RANBP2: variants seen among roughly 807,000 people sequenced by gnomAD.
RANBP2 encodes RAN binding protein 2.
RANBP2 carries 57 observed loss-of-function variants against 303.6 expected under a neutral mutation model. The ratio of observed to expected loss-of-function variants is 0.19; its 90% CI spans 0.15 to 0.23. The LOEUF is 0.23. Among genes scored for constraint, RANBP2 ranks in the 10% least tolerant of loss-of-function variants. The pLI is 1.00. For synonymous variants in RANBP2, 1,167 were observed against 1,301.5 expected (o/e 0.90, Z 2.23); for missense variants, 3,138 against 3,780.8 (o/e 0.83, Z 4.46).
the RANBP2 span, chr2:109,544,693 C>T: frequency 4.6e-6 from 4 of 866,972 alleles, no homozygotes; most frequent in Non-Finnish European, 5.5e-6. Context: ...GCTTTAAAAT[C>T]CAAAGCATGT....
At chr2:108,794,662 C>T in the RANBP2 span, 369 of 1,614,088 alleles carry the variant, frequency 2.3e-4, no homozygotes, top group Non-Finnish European at 3.0e-4. Context: ...GCGGAGTTTA[C>T]TTCCACATCA....
the RANBP2 span, among the ~76,000 whole-genome samples, chr2:109,679,370 G>A: frequency 3.3e-5 from 5 of 152,192 alleles, no homozygotes; most frequent in Admixed American, 6.5e-5. Flanking sequence ...GCGTTTTAGA[G>A]AGTAGGTGAA....
At chr2:108,872,416 T>G in the RANBP2 span, among the ~76,000 whole-genome samples, 2 of 152,224 alleles carry the variant, frequency 1.3e-5, no homozygotes, top group Non-Finnish European at 2.9e-5. Flanking sequence ...AGTAATGAGT[T>G]TGGTTACCCT....
chr2:109,487,586 T>C, the RANBP2 span, among the ~76,000 whole-genome samples: 1 of 152,302 alleles, frequency 6.6e-6, no homozygotes, highest in South Asian at 2.1e-4. Flanking sequence ...TCCATCACAT[T>C]TACGCACCCC....
chr2:109,735,252 C>T, the RANBP2 span, among the ~76,000 whole-genome samples: 1 of 152,158 alleles, frequency 6.6e-6, no homozygotes, highest in African/African-American at 2.4e-5. Flanking sequence ...TAAGTGAGAA[C>T]ATGTGGTATT....
the RANBP2 span, among the ~76,000 whole-genome samples, chr2:109,586,745 T>A: frequency 0.012 from 1,884 of 152,284 alleles, 17 homozygotes; most frequent in Middle Eastern, 0.02. Flanking sequence ...AAGAGTCTCC[T>A]GTAAACACCC....
At chr2:109,290,008 T>C in the RANBP2 span, among the ~76,000 whole-genome samples, 3 of 152,302 alleles carry the variant, frequency 2.0e-5, no homozygotes, top group Admixed American at 2.0e-4. Flanking sequence ...GGGGACCTTG[T>C]TAAAATGCAG....
chr2:109,035,182 T>C, the RANBP2 span, among the ~76,000 whole-genome samples: 2 of 152,190 alleles, frequency 1.3e-5, no homozygotes, highest in Non-Finnish European at 2.9e-5. Context: ...TTGTACCAAG[T>C]CAGGGCTCCC....
the RANBP2 span, among the ~76,000 whole-genome samples, chr2:109,473,552 T>G: frequency 1.3e-5 from 2 of 152,152 alleles, no homozygotes; most frequent in African/African-American, 4.8e-5. Flanking sequence ...GAGAGAGAAA[T>G]AAACCCTCTG....
chr2:108,800,049 CTA>C, the RANBP2 span, among the ~76,000 whole-genome samples: 1 of 152,070 alleles, frequency 6.6e-6, no homozygotes, highest in Non-Finnish European at 1.5e-5. Context: ...AGTTTAAAAA[CTA>C]TGTATCACCT....
chr2:108,984,025 C>T, the RANBP2 span, among the ~76,000 whole-genome samples: 5 of 152,244 alleles, frequency 3.3e-5, no homozygotes, highest in Non-Finnish European at 1.5e-5. Flanking sequence ...TGTTCTTTCT[C>T]TGCACAACTT....
intron 12 of RANBP2, 61 bp downstream of exon 12, chr2:108,752,055 C>G: frequency 6.2e-7 from 1 of 1,602,420 alleles, no homozygotes; most frequent in African/African-American, 1.3e-5. Flanking sequence ...AAATCATGAA[C>G]TTTTTATTGA....
the RANBP2 span, among the ~76,000 whole-genome samples, chr2:109,147,781 A>T: frequency 6.6e-6 from 1 of 152,178 alleles, no homozygotes; most frequent in Non-Finnish European, 1.5e-5. Context: ...TTTTAGCTAA[A>T]ATATCCCGAA....
chr2:109,540,561 A>C, the RANBP2 span, among the ~76,000 whole-genome samples: 45 of 152,122 alleles, frequency 3.0e-4, no homozygotes, highest in African/African-American at 1.1e-3. Flanking sequence ...ACAATGGCTC[A>C]TGCCTGTAAT....
chr2:109,657,184 C>T, the RANBP2 span, among the ~76,000 whole-genome samples: 1 of 152,118 alleles, frequency 6.6e-6, no homozygotes, highest in African/African-American at 2.4e-5. Flanking sequence ...CCTTGCATTT[C>T]AACATGCCAG....
the RANBP2 span, among the ~76,000 whole-genome samples, chr2:109,016,443 G>A: frequency 6.6e-6 from 1 of 152,142 alleles, no homozygotes; most frequent in Admixed American, 6.5e-5. Context: ...AGACTTTGAA[G>A]TTCTTCCACC....
chr2:109,043,171 G>T, the RANBP2 span, among the ~76,000 whole-genome samples: 3 of 152,178 alleles, frequency 2.0e-5, no homozygotes, highest in African/African-American at 7.2e-5. Context: ...ACCAGAAGGG[G>T]ATAGGGTGAG....
At chr2:109,315,113 A>G in the RANBP2 span, among the ~76,000 whole-genome samples, 1 of 152,338 alleles carries the variant, frequency 6.6e-6, no homozygotes, top group Non-Finnish European at 1.5e-5. Flanking sequence ...CTGCTCCACA[A>G]TAATGAAGAA....
the RANBP2 span, among the ~76,000 whole-genome samples, chr2:109,104,455 A>G: frequency 6.8e-6 from 1 of 147,162 alleles, no homozygotes; most frequent in African/African-American, 2.5e-5. Flanking sequence ...GGTTGAGGGG[A>G]GGGATTAGGT....
Sources: allele counts gnomAD v4.1 joint callset (sites outside exome capture counted in the v4.1 genomes callset), GRCh38; gene constraint gnomAD v4.1.1; transcripts MANE v1.5; gene names NCBI Gene and HGNC (gene_info 2026-07-23, HGNC 2026-07-21).